The following DNAH12 variants were observed in gnomAD, a reference collection of about 807,000 sequenced individuals.
DNAH12 encodes dynein axonemal heavy chain 12, also known as axonemal beta dynein heavy chain 12.
A neutral mutation model predicts 371.5 loss-of-function variants in DNAH12; 285 were observed. The observed-to-expected ratio is 0.77, with a 90% CI of 0.70 to 0.85. DNAH12 has a LOEUF of 0.85. DNAH12 is among the 40% of genes least tolerant of loss of function. The pLI is 0.00. For synonymous variants in DNAH12, 1,200 were observed against 1,213.0 expected, an observed-to-expected ratio of 0.99 and a Z score of 0.22; for missense variants, 3,611 against 3,689.4, an observed-to-expected ratio of 0.98 and a Z score of 0.55.
intron 35 of DNAH12, among the ~76,000 whole-genome samples, chr3:57,423,518 A>T (rs1329292191): frequency 6.6e-6 from 1 of 152,188 alleles, no homozygotes; most frequent in Admixed American, 6.5e-5. Flanking sequence ...GGAATGTGAG[A>T]TGTCTGAGGC....
chr3:57,455,914 C>G (rs1411332000), intron 22 of DNAH12, among the ~76,000 whole-genome samples: 1 of 152,066 alleles, frequency 6.6e-6, no homozygotes, highest in Admixed American at 6.6e-5. Context: ...GTGATTTTAG[C>G]AGATCCAAAC....
intron 2 of DNAH12, among the ~76,000 whole-genome samples, chr3:57,542,160 G>GA (rs1559767416): frequency 8.4e-6 from 1 of 119,336 alleles, no homozygotes; most frequent in African/African-American, 3.4e-5. Flanking sequence ...TAAACTGGGG[G>GA]GGGGGGGGGC....
chr3:57,397,353 T>C (rs964455621), intron 43 of DNAH12, among the ~76,000 whole-genome samples: 34,405 of 152,134 alleles, frequency 0.23, 4,518 homozygotes, highest in South Asian at 0.43. Flanking sequence ...TTTTTCTCAC[T>C]CTAGCTCCTC....
chr3:57,514,479 A>T (rs1430126281), intron 4 of DNAH12, among the ~76,000 whole-genome samples: 1 of 152,100 alleles, frequency 6.6e-6, no homozygotes, highest in Non-Finnish European at 1.5e-5. Context: ...GTAAGAAAAC[A>T]TACCTGTTCA....
intron 25 of DNAH12, among the ~76,000 whole-genome samples, chr3:57,448,155 A>G (rs1483306610): frequency 6.6e-6 from 1 of 152,228 alleles, no homozygotes; most frequent in African/African-American, 2.4e-5. Context: ...ACTGACTTCA[A>G]GAATGAAGCC....
chr3:57,422,382 C>T (rs996046362), intron 35 of DNAH12, among the ~76,000 whole-genome samples: 1 of 152,036 alleles, frequency 6.6e-6, no homozygotes, highest in Non-Finnish European at 1.5e-5. Flanking sequence ...CGCCCACCAC[C>T]ACGGGGTTTC....
chr3:57,329,863 C>T (rs1327063906), intron 62 of DNAH12, among the ~76,000 whole-genome samples: 1 of 152,144 alleles, frequency 6.6e-6, no homozygotes, highest in Non-Finnish European at 1.5e-5. Context: ...AACAAATTTA[C>T]AAGAAGAAAA....
In DNAH12 at chr3:57,543,327, T is replaced by G. The variant is rs1037097941; in HGVS notation, c.-33-424A>C. 3.6e-5 allele frequency among the ~76,000 whole-genome samples: 5 copies of G among 140,754 alleles called. No individual in the cohort carries two copies. In the South Asian group the frequency reaches 1.2e-3, roughly 34 times the overall value. The allele number at this position is 140,754 out of a possible 152,430, so 92.3% of individuals were successfully genotyped here. ...AACATCATTAATGGTTTTTTTTTTT[T>G]TTTTTTTTTTTTTGAGACAGATTCT... On this transcript the variant is annotated intron_variant, in intron 1 of 73. Transcript: ENST00000495027.
At chr3:57,465,326 G>T (rs907957032) in intron 17 of DNAH12, among the ~76,000 whole-genome samples, 6 of 152,066 alleles carry the variant, frequency 3.9e-5, no homozygotes, top group African/African-American at 1.2e-4. Flanking sequence ...TTTCATGAGT[G>T]AATGTTTCTC....
At chr3:57,356,444 A>AAAATAAATAAATAAAT (rs1174174898) in intron 59 of DNAH12, among the ~76,000 whole-genome samples, 10 of 137,846 alleles carry the variant, frequency 7.3e-5, no homozygotes, top group Non-Finnish European at 1.1e-4. Flanking sequence ...CCTTGTCTCA[A>AAAATAAATAAATAAAT]AAATAAATAA....
chr3:57,318,216 C>A (rs1480590340), intron 65 of DNAH12, among the ~76,000 whole-genome samples: 1 of 152,074 alleles, frequency 6.6e-6, no homozygotes, highest in Non-Finnish European at 1.5e-5. Context: ...GGTGTCATAT[C>A]TATGAAATTA....
rs368757579 is a variant in DNAH12 at position 57,421,902 on chromosome 3, C to CTTTTT, written c.5374-201_5374-197dup. ...AATTTTTATCAAAATGTTTGCATGT[C>CTTTTT]TTTTTTTTTTTTTTTTTTTTTGAGA... On this transcript the variant is annotated intron_variant, in intron 35 of 73. Coordinates refer to ENST00000495027, the MANE Select transcript of DNAH12 (RefSeq NM_001366028.2). 6.9e-4 allele frequency among the ~76,000 whole-genome samples: 68 copies of CTTTTT among 98,542 alleles called. 2 individuals are homozygous for CTTTTT. The highest frequency in any genetic ancestry group is 1.1e-3 in the Admixed American group (10 of 9,334). The allele number at this position is 98,542 out of a possible 152,430, so 64.6% of individuals were successfully genotyped here. A position where few individuals can be genotyped will look rare whatever the true frequency, so the allele number is the denominator to read the frequency against.
Position 57,472,676 on chromosome 3 carries a change from A to T in DNAH12, c.1651-5T>A, listed in dbSNP as rs188295011. Reference sequence around the variant, plus strand: ...ACTCATTTGGCGTTTAGATTCCTACAAAAGAAACTCTGGATATAATATGTC... The same window carrying T: ...ACTCATTTGGCGTTTAGATTCCTACTAAAGAAACTCTGGATATAATATGTC... On this transcript the variant is annotated splice_region_variant and splice_polypyrimidine_tract_variant and intron_variant, in intron 13 of 73. Coordinates refer to ENST00000495027, the MANE Select transcript of DNAH12 (RefSeq NM_001366028.2). 6.5e-7 allele frequency: 1 copy of T among 1,547,916 alleles called. No homozygotes were observed. Among genetic ancestry groups the T allele is most frequent in the East Asian group, 2.5e-5 (1 of 40,780 alleles).
chr3:57,543,567 C>T (rs569076800), intron 1 of DNAH12, among the ~76,000 whole-genome samples: 114 of 150,458 alleles, frequency 7.6e-4, no homozygotes, highest in African/African-American at 2.7e-3. Flanking sequence ...GATGATTTCC[C>T]GCCTCGGTCC....
chr3:57,472,417 C>T (rs2066392564), intron 14 of DNAH12, 129 bp downstream of exon 14: 1 of 1,162,302 alleles, frequency 8.6e-7, no homozygotes, highest in Non-Finnish European at 1.2e-6. Flanking sequence ...TAAGTGTGGC[C>T]AGTCTCAAAC....
rs141877575 is a variant in DNAH12, at chr3:57,294,141, C to T, written c.11693-170G>A. On this transcript the variant is annotated intron_variant, in intron 73 of 73. Transcript: ENST00000495027. ...TTTTTTTACAGTACATATAGTATTA[C>T]GGTTGTGAAACAAGGCAAGTATTTC... Among the ~76,000 whole-genome samples, 495 of 150,406 alleles carry T rather than the reference C, an allele frequency of 3.3e-3. 4 individuals are homozygous for T. Among genetic ancestry groups the T allele is most frequent in the Non-Finnish European group, 4.6e-3 (309 of 67,792 alleles).
chr3:57,417,514 G>A (rs2064417672), intron 37 of DNAH12, among the ~76,000 whole-genome samples: 1 of 151,934 alleles, frequency 6.6e-6, no homozygotes. Flanking sequence ...CTTAACTTGG[G>A]GTCCATGAGC....
At chr3:57,522,035 C>A (rs760925205) in intron 4 of DNAH12, among the ~76,000 whole-genome samples, 1 of 151,956 alleles carries the variant, frequency 6.6e-6, no homozygotes, top group Non-Finnish European at 1.5e-5. Context: ...GCCAGCCTGG[C>A]CAACATGGTG....
intron 33 of DNAH12, among the ~76,000 whole-genome samples, chr3:57,429,116 TCA>T (rs1491396929): frequency 2.0e-5 from 3 of 151,904 alleles, no homozygotes; most frequent in Non-Finnish European, 1.5e-5. Flanking sequence ...GATCAAACAC[TCA>T]GTTACCTTCC....
Sources: gnomAD v4.1 joint callset for allele counts (sites outside exome capture counted in the v4.1 genomes callset) on GRCh38, gnomAD v4.1.1 for gene constraint, MANE v1.5 for transcripts, NCBI Gene and HGNC (gene_info 2026-07-23, HGNC 2026-07-21) for gene names.